The following BCL2 variants were observed in gnomAD, a reference collection of about 807,000 sequenced individuals.
The protein encoded by BCL2 is BCL2 apoptosis regulator.
A neutral mutation model predicts 14.2 loss-of-function variants in BCL2; 1 was observed. That is an observed-to-expected ratio of 0.07 (90% CI 0.02 to 0.33). The LOEUF (loss-of-function observed/expected upper bound fraction) is 0.33. Among genes scored for constraint, BCL2 ranks in the 10% least tolerant of loss-of-function variants. The pLI is 0.99. For missense variants in BCL2, 247 were observed against 305.9 expected (o/e 0.81, Z 1.44); for synonymous variants, 151 against 137.2 (o/e 1.10, Z -0.70).
intron 2 of BCL2, among the ~76,000 whole-genome samples, chr18:63,307,947 A>G (rs1203657509): frequency 6.6e-6 from 1 of 152,244 alleles, no homozygotes; most frequent in Admixed American, 6.5e-5. Context: ...AAGCTTCACT[A>G]CAAGTAAACA....
intron 2 of BCL2, among the ~76,000 whole-genome samples, chr18:63,145,022 A>T (rs1229627683): frequency 1.3e-5 from 2 of 152,156 alleles, no homozygotes; most frequent in Non-Finnish European, 1.5e-5. Context: ...TATGATATAG[A>T]CTCAAATCCC....
At position 63,169,280 on chromosome 18, in the gene BCL2, CTTT is replaced by C. The variant is rs1339171623; in HGVS notation, c.586-40524_586-40522del. Among the ~76,000 whole-genome samples the C allele has an allele frequency of 3.7e-3, 230 of 62,364 alleles. 20 individuals are homozygous for C. The highest frequency in any genetic ancestry group is 0.028 in the African/African-American group (219 of 7,842). The allele number at this position is 62,364 out of a possible 152,430, so 40.9% of individuals were successfully genotyped here. A position where few individuals can be genotyped will look rare whatever the true frequency, so the allele number is the denominator to read the frequency against. On this transcript the variant is annotated intron_variant, in intron 2 of 2. Coordinates refer to ENST00000333681, the MANE Select transcript of BCL2 (RefSeq NM_000633.3). Reference sequence around the variant, plus strand: ...TCTTTCTTTCTTTCTTTCTTTCTTTCTTTCTTTCTTTCTTTCTTTCTTTCTTTC... The same window carrying C: ...TCTTTCTTTCTTTCTTTCTTTCTTTCCTTTCTTTCTTTCTTTCTTTCTTTC...
chr18:63,299,549 T>C (rs1912896230), intron 2 of BCL2, among the ~76,000 whole-genome samples: 1 of 152,224 alleles, frequency 6.6e-6, no homozygotes, highest in Non-Finnish European at 1.5e-5. Context: ...CTTAGTATCC[T>C]GCTAGAAACC....
At chr18:63,180,421 G>C (rs934118297) in intron 2 of BCL2, among the ~76,000 whole-genome samples, 3 of 152,216 alleles carry the variant, frequency 2.0e-5, no homozygotes, top group African/African-American at 7.2e-5. Flanking sequence ...GAAAACAAAC[G>C]GCTTGCTCCG....
chr18:63,205,470 A>G (rs559791264), intron 2 of BCL2, among the ~76,000 whole-genome samples: 5 of 152,250 alleles, frequency 3.3e-5, no homozygotes, highest in Admixed American at 2.6e-4. Context: ...AATGCTGATG[A>G]GTTCAATAAA....
chr18:63,217,363 C>T (rs993531470), intron 2 of BCL2, among the ~76,000 whole-genome samples: 2 of 152,056 alleles, frequency 1.3e-5, no homozygotes, highest in Non-Finnish European at 2.9e-5. Context: ...CAGAAAAAGT[C>T]AATGTGACTT....
At chr18:63,211,090 A>G (rs1461121469) in intron 2 of BCL2, among the ~76,000 whole-genome samples, 1 of 56,850 alleles carries the variant, frequency 1.8e-5, no homozygotes, top group African/African-American at 7.6e-5. Context: ...TTTTTTTTTG[A>G]GACAGAGTCT....
chr18:63,289,101 C>G (rs1457705005), intron 2 of BCL2, among the ~76,000 whole-genome samples: 1 of 151,972 alleles, frequency 6.6e-6, no homozygotes, highest in Non-Finnish European at 1.5e-5. Context: ...TAATGTGAGG[C>G]CTTTTTTTAA....
rs1286378368 is a variant in BCL2 at position 63,318,031 on chromosome 18, C to G, written c.585+51G>C. 6.3e-7 allele frequency: 1 copy of G among 1,589,458 alleles called. No individual in the cohort carries two copies. The highest frequency in any genetic ancestry group is 1.1e-5 in the South Asian group (1 of 88,490). On this transcript the variant is annotated intron_variant, in intron 2 of 2. Transcript: ENST00000333681. This position sits in a 1 kb window ranked among gnomAD's most constrained non-coding sequence, Gnocchi z 7.4. ...GAGCCCACCCGCACTCCAACCCCCG[C>G]ATCTCGGACCTGTGGCCTCAGCCCA...
Position 63,205,434 on chromosome 18 carries a change from G to A in BCL2, c.586-76675C>T, listed in dbSNP as rs183981039. ...GTCAAAAAAATAAACAAAAACATTCGGACCTCACTAACAGTGTCTGTTGTT... is the reference window on the plus strand; with the variant it reads ...GTCAAAAAAATAAACAAAAACATTCAGACCTCACTAACAGTGTCTGTTGTT... On this transcript the variant is annotated intron_variant, in intron 2 of 2. Coordinates refer to ENST00000333681, the MANE Select transcript of BCL2 (RefSeq NM_000633.3). Among the ~76,000 whole-genome samples, 5 of 152,168 alleles carry A rather than the reference G, an allele frequency of 3.3e-5. No individual in the cohort carries two copies. The East Asian group carries it at 7.7e-4, about 24-fold the overall frequency.
intron 2 of BCL2, among the ~76,000 whole-genome samples, chr18:63,295,845 G>T (rs1275658714): frequency 1.3e-5 from 2 of 152,000 alleles, no homozygotes; most frequent in Admixed American, 1.3e-4. Context: ...ATCCCTCAAG[G>T]ACTAAACCCA....
chr18:63,183,984 G>T (rs544295276), intron 2 of BCL2, among the ~76,000 whole-genome samples: 1 of 152,184 alleles, frequency 6.6e-6, no homozygotes, highest in Non-Finnish European at 1.5e-5. Flanking sequence ...CCATCCCCAG[G>T]ACCACAGTGG....
chr18:63,162,990 G>C (rs1294770404), intron 2 of BCL2, among the ~76,000 whole-genome samples: 2 of 152,164 alleles, frequency 1.3e-5, no homozygotes, highest in Non-Finnish European at 2.9e-5. Context: ...GAGTAGCTGG[G>C]ACTATAGGCA....
At chr18:63,295,792 G>C (rs1421441731) in intron 2 of BCL2, among the ~76,000 whole-genome samples, 1 of 152,070 alleles carries the variant, frequency 6.6e-6, no homozygotes, top group Non-Finnish European at 1.5e-5. Context: ...ACCTGGGTTG[G>C]ATCCCTTGCC....
At chr18:63,310,386 C>T (rs1163946857) in intron 2 of BCL2, among the ~76,000 whole-genome samples, 1 of 152,202 alleles carries the variant, frequency 6.6e-6, no homozygotes, top group African/African-American at 2.4e-5. Context: ...CTCCAGTTTC[C>T]ACTACCTGAA....
chr18:63,252,690 T>C (rs1046007986), intron 2 of BCL2, among the ~76,000 whole-genome samples: 1 of 152,234 alleles, frequency 6.6e-6, no homozygotes, highest in Admixed American at 6.5e-5. Context: ...CCTTTCACCA[T>C]CCACCGTGAT....
intron 2 of BCL2, among the ~76,000 whole-genome samples, chr18:63,177,131 G>C (rs1915369356): frequency 1.3e-5 from 2 of 151,788 alleles, no homozygotes; most frequent in Admixed American, 1.3e-4. Flanking sequence ...TGATCAGGCT[G>C]GTCTCAAACT....
At chr18:63,314,983 G>T (rs931574064) in intron 2 of BCL2, 3 of 152,144 alleles carry the variant, frequency 2.0e-5, no homozygotes, top group Non-Finnish European at 4.4e-5. Flanking sequence ...GAAATACTCG[G>T]TATTCCAAGT....
intron 2 of BCL2, among the ~76,000 whole-genome samples, chr18:63,265,542 T>C (rs1207109121): frequency 6.6e-6 from 1 of 152,116 alleles, no homozygotes; most frequent in Non-Finnish European, 1.5e-5. Flanking sequence ...TGCATGCACA[T>C]AGAAGAGGAT....
Sources: gnomAD v4.1 joint callset for allele counts (sites outside exome capture counted in the v4.1 genomes callset) on GRCh38, gnomAD v4.1.1 for gene constraint, Gnocchi (gnomAD v3.1) non-coding constraint, MANE v1.5 for transcripts, NCBI Gene and HGNC (gene_info 2026-07-23, HGNC 2026-07-21) for gene names.